TMPRSS9: variants seen among roughly 807,000 people sequenced by gnomAD.
TMPRSS9 encodes the protein transmembrane serine protease 9, also known as transmembrane protease serine 9.
In TMPRSS9, 113 loss-of-function variants were observed where a neutral mutation model predicts 111.4. That is an observed-to-expected ratio of 1.01 (90% CI 0.87 to 1.19). The LOEUF (loss-of-function observed/expected upper bound fraction) is 1.19. TMPRSS9 is among the 50% of genes most tolerant of loss of function. The pLI is 0.00. For synonymous variants in TMPRSS9, 805 were observed against 659.1 expected (o/e 1.22, Z -3.39); for missense variants, 1,803 against 1,513.1 (o/e 1.19, Z -3.18).
At chr19:2,380,723 A>C (rs746602537) in intron 1 of TMPRSS9, among the ~76,000 whole-genome samples, 6 of 152,278 alleles carry the variant, frequency 3.9e-5, no homozygotes, top group African/African-American at 7.2e-5. Context: ...ACCCTGTCAG[A>C]ATCCTGACCC....
chr19:2,401,000 C>T (rs919356027), intron 4 of TMPRSS9, among the ~76,000 whole-genome samples: 46 of 134,902 alleles, frequency 3.4e-4, no homozygotes, highest in African/African-American at 6.2e-4. Context: ...AATGGCCGGG[C>T]GCGGTGGCTT....
At chr19:2,384,295 C>T (rs72989465) in intron 1 of TMPRSS9, among the ~76,000 whole-genome samples, 6,502 of 152,274 alleles carry the variant, frequency 0.043, 154 homozygotes, top group African/African-American at 0.054. Flanking sequence ...TGATCCCCCA[C>T]CCTCTGCAGA....
chr19:2,421,975 C>G lies in TMPRSS9; in HGVS notation c.2276C>G (p.Thr759Ser), dbSNP rs781610929. 8.1e-6 allele frequency: 13 copies of G among 1,613,190 alleles called. No homozygotes were observed. In the South Asian group the frequency reaches 1.3e-4, roughly 16 times the overall value. Residue 759 changes from threonine to serine, a missense_variant, in exon 14 of 18, where the codon ACC becomes AGC. Coordinates refer to ENST00000648592, the Ensembl canonical transcript of TMPRSS9. ...AAGCCGGGCGTGTACACGCGCATCA[C>G]CAGGCTAAAGGGCTGGATCCTGGAG...
chr19:2,423,968 C>A, intron 14 of TMPRSS9, 121 bp from the exon 16 acceptor site: 2 of 1,058,012 alleles, frequency 1.9e-6, no homozygotes, highest in East Asian at 3.3e-5. Context: ...TGGGATAGGT[C>A]CCCCATCACA....
intron 5 of TMPRSS9, among the ~76,000 whole-genome samples, chr19:2,402,315 GC>G (rs1360372842): frequency 2.0e-5 from 3 of 152,078 alleles, no homozygotes; most frequent in African/African-American, 7.2e-5. Context: ...GTGGCGTATT[GC>G]CTGTACTCTC....
intron 1 of TMPRSS9, among the ~76,000 whole-genome samples, chr19:2,373,872 G>A (rs927893670): frequency 5.3e-5 from 8 of 152,318 alleles, no homozygotes; most frequent in South Asian, 4.1e-4. Flanking sequence ...AACTTTTTGC[G>A]AAACTAATAC....
chr19:2,378,013 T>C (rs1442591083), intron 1 of TMPRSS9, among the ~76,000 whole-genome samples: 1 of 151,868 alleles, frequency 6.6e-6, no homozygotes, highest in Non-Finnish European at 1.5e-5. Context: ...TAGCTGAGAC[T>C]ACTGGCATGC....
chr19:2,363,591 G>A (rs1970221085), intron 1 of TMPRSS9, among the ~76,000 whole-genome samples: 1 of 151,900 alleles, frequency 6.6e-6, no homozygotes, highest in Admixed American at 6.6e-5. Flanking sequence ...AACTGTGGGT[G>A]ATGGAGCTGG....
In TMPRSS9 at chr19:2,414,173, C is replaced by T. The variant is rs186427367; in HGVS notation, c.1573+155C>T. ...TATTCCCATCTTACGTTGCGTGTACCCTCATGGTATCTTTCTGTCCACAGG... is the reference window on the plus strand; with the variant it reads ...TATTCCCATCTTACGTTGCGTGTACTCTCATGGTATCTTTCTGTCCACAGG... On this transcript the variant is annotated intron_variant, in intron 10 of 17. Coordinates refer to ENST00000648592, the Ensembl canonical transcript of TMPRSS9. 222 of 751,284 alleles carry T rather than the reference C, an allele frequency of 3.0e-4. 4 individuals are homozygous for T. In the East Asian group the frequency reaches 5.7e-3, roughly 19 times the overall value. The allele number at this position is 751,284 out of a possible 1,614,324, so 46.5% of individuals were successfully genotyped here.
intron 4 of TMPRSS9, among the ~76,000 whole-genome samples, chr19:2,399,726 T>G (rs10419956): frequency 0.041 from 6,298 of 152,188 alleles, 419 homozygotes; most frequent in African/African-American, 0.14. Context: ...TTTCCATTTT[T>G]TTTATTTTTG....
exon 12 of TMPRSS9, chr19:2,416,756 C>T (rs1971245265): frequency 1.9e-6 from 3 of 1,612,906 alleles, no homozygotes; most frequent in Non-Finnish European, 2.5e-6. Flanking sequence ...CAGAAGTTCC[C>T]TGTGGGCCGG....
intron 17 of TMPRSS9, 60 bp from the exon 19 acceptor site, chr19:2,425,867 C>T: frequency 1.3e-6 from 2 of 1,523,772 alleles, no homozygotes; most frequent in Non-Finnish European, 1.7e-6. Context: ...GGCCAATGAC[C>T]CAAGGGCTGC....
upstream of TMPRSS9, among the ~76,000 whole-genome samples, chr19:2,385,446 G>A (rs72989469): frequency 0.046 from 6,939 of 152,224 alleles, 189 homozygotes; most frequent in African/African-American, 0.065. Context: ...CGGTGTTGCC[G>A]TTGCACATGG....
intron 6 of TMPRSS9, among the ~76,000 whole-genome samples, chr19:2,403,633 G>C (rs1970903466): frequency 1.3e-5 from 2 of 151,610 alleles, no homozygotes; most frequent in Admixed American, 1.3e-4. Flanking sequence ...AAGGCAGGAG[G>C]ATCACTTGAG....
rs533553114 is a variant in TMPRSS9, at chr19:2,399,436, C to T, written c.514+243C>T. Among the ~76,000 whole-genome samples the T allele has an allele frequency of 3.6e-4, 55 of 152,206 alleles. No homozygotes were observed. In the South Asian group the frequency reaches 0.01, roughly 29 times the overall value. ...ACTAAAAATACAAAAATCAGTTGGGCGTGGTGGTGTGCACCTGTAATCCTA... is the reference window on the plus strand; with the variant it reads ...ACTAAAAATACAAAAATCAGTTGGGTGTGGTGGTGTGCACCTGTAATCCTA... On this transcript the variant is annotated intron_variant, in intron 4 of 17. Transcript: ENST00000648592.
At chr19:2,380,655 A>C (rs1357774916) in intron 1 of TMPRSS9, among the ~76,000 whole-genome samples, 1 of 151,162 alleles carries the variant, frequency 6.6e-6, no homozygotes, top group Admixed American at 6.6e-5. Context: ...ATGAGAATGC[A>C]GCCCAGCTAA....
intron 2 of TMPRSS9, among the ~76,000 whole-genome samples, chr19:2,398,119 C>T (rs536123517): frequency 5.1e-4 from 76 of 149,164 alleles, no homozygotes; most frequent in Non-Finnish European, 9.1e-4. Context: ...CATAGTGAAA[C>T]CCTGTCCCTA....
chr19:2,413,795 G>A (rs764602515), exon 10 of TMPRSS9: 13 of 1,613,724 alleles, frequency 8.1e-6, no homozygotes, highest in African/African-American at 1.3e-5. Context: ...CGGAAGCCCG[G>A]CGTCCAGGGG....
intron 1 of TMPRSS9, among the ~76,000 whole-genome samples, chr19:2,379,649 CTTTCTTTCTTTCT>C (rs1568170826): frequency 6.7e-6 from 1 of 149,112 alleles, no homozygotes; most frequent in African/African-American, 2.5e-5. Flanking sequence ...TTCTTTCTTT[CTTTCTTTCTTTCT>C]TTCTTTCTTT....
Sources: gnomAD v4.1 joint callset for allele counts (sites outside exome capture counted in the v4.1 genomes callset) on GRCh38, gnomAD v4.1.1 for gene constraint, MANE v1.5 for transcripts, NCBI Gene and HGNC (gene_info 2026-07-23, HGNC 2026-07-21) for gene names.